SOX5: variants seen among roughly 807,000 people sequenced by gnomAD.
The protein encoded by SOX5 is transcription factor SOX-5.
Under a neutral mutation model 92.0 loss-of-function variants are expected in SOX5, and 9 were observed. The ratio of observed to expected loss-of-function variants is 0.10; its 90% CI spans 0.06 to 0.17. The LOEUF (loss-of-function observed/expected upper bound fraction) is 0.17, where lower values mean the gene tolerates loss of function less well. Among genes scored for constraint, SOX5 ranks in the 10% least tolerant of loss-of-function variants. The pLI, the probability that SOX5 is intolerant of heterozygous loss-of-function variation, is 1.00. For missense variants in SOX5, 642 were observed against 944.5 expected (o/e 0.68, Z 4.20); for synonymous variants, 344 against 336.3 (o/e 1.02, Z -0.25).
intron 12 of SOX5, among the ~76,000 whole-genome samples, chr12:23,543,706 T>G (rs1440797764): frequency 6.6e-6 from 1 of 152,208 alleles, no homozygotes; most frequent in Non-Finnish European, 1.5e-5. Flanking sequence ...GATAGTCAGA[T>G]TAAATCAACA....
intron 3 of SOX5, among the ~76,000 whole-genome samples, chr12:23,757,116 A>G (rs11047086): frequency 0.22 from 34,060 of 151,848 alleles, 4,002 homozygotes; most frequent in African/African-American, 0.24. Context: ...ACTCTTTTAC[A>G]TAGTCTATAT....
At chr12:24,447,951 C>A (rs940150370) in intron 1 of SOX5, among the ~76,000 whole-genome samples, 1 of 151,996 alleles carries the variant, frequency 6.6e-6, no homozygotes, top group Non-Finnish European at 1.5e-5. Context: ...GTGGCCAAGG[C>A]GGGTAGATCA....
chr12:23,767,231 CACACACACACACACACAT>C (rs1023024388), intron 3 of SOX5, among the ~76,000 whole-genome samples: 4 of 136,246 alleles, frequency 2.9e-5, no homozygotes, highest in Non-Finnish European at 5.0e-5. Flanking sequence ...CACACACACA[CACACACACACACACACAT>C]ATATATATTC....
chr12:24,562,393 TG>T, exon 1 of SOX5: 2 of 152,710 alleles, frequency 1.3e-5, no homozygotes, highest in Non-Finnish European at 2.9e-5. Context: ...AGAGGCGGGC[TG>T]GGGGCCCCCG....
intron 10 of SOX5, among the ~76,000 whole-genome samples, chr12:23,566,961 T>G (rs951416884): frequency 2.0e-5 from 3 of 152,208 alleles, no homozygotes; most frequent in East Asian, 1.9e-4. Flanking sequence ...ATGGAAGAAT[T>G]AGATGAAATA....
intron 3 of SOX5, among the ~76,000 whole-genome samples, chr12:23,837,980 T>C (rs12809746): frequency 0.08 from 9,982 of 124,580 alleles, 575 homozygotes; most frequent in African/African-American, 0.14. Flanking sequence ...ATATAATATA[T>C]ATTTATATTT....
rs1393777931 is a variant in SOX5, at chr12:23,533,126, A to G, written c.*1093T>C. The G allele has an allele frequency of 3.1e-5, 14 of 454,218 alleles. No homozygotes were observed. Among genetic ancestry groups the G allele is most frequent in the African/African-American group, 2.6e-4 (13 of 49,934 alleles). 28.1% of individuals were successfully genotyped at this position (454,218 alleles called of 1,614,324 possible). A position where few individuals can be genotyped will look rare whatever the true frequency, so the allele number is the denominator to read the frequency against. On this transcript the variant is annotated 3_prime_UTR_variant, in exon 15 of 15. Coordinates refer to ENST00000451604, the MANE Select transcript of SOX5 (RefSeq NM_006940.6). ...TGGTTAAGTTGTCATTTGAAGTGCAAAGTCAAGGTCAAGATTATTTCTAGA... is the reference window on the plus strand; with the variant it reads ...TGGTTAAGTTGTCATTTGAAGTGCAGAGTCAAGGTCAAGATTATTTCTAGA...
chr12:23,695,940 CA>C (rs71059917), intron 6 of SOX5, among the ~76,000 whole-genome samples: 1,032 of 11,802 alleles, frequency 0.087, 1 homozygote, highest in African/African-American at 0.16. Flanking sequence ...GACTCTGTCT[CA>C]AAAAAAAAAA....
chr12:23,975,600 A>T (rs1948810964), intron 4 of SOX5, among the ~76,000 whole-genome samples: 1 of 152,132 alleles, frequency 6.6e-6, no homozygotes, highest in African/African-American at 2.4e-5. Flanking sequence ...AAGCCATGGG[A>T]TCTAGAGCCA....
At chr12:24,221,605 C>A (rs1960455187) in intron 3 of SOX5, among the ~76,000 whole-genome samples, 1 of 152,294 alleles carries the variant, frequency 6.6e-6, no homozygotes, top group South Asian at 2.1e-4. Flanking sequence ...CCACTGAGCA[C>A]CTACTACCTG....
chr12:24,237,690 TTTTG>T (rs1273728122), intron 3 of SOX5: 1 of 152,182 alleles, frequency 6.6e-6, no homozygotes, highest in African/African-American at 2.4e-5. Context: ...AAAGAACTTA[TTTTG>T]TTTGCTATTG....
chr12:23,741,091 A>C lies in SOX5; in HGVS notation c.569-52T>G. The C allele has an allele frequency of 2.1e-6, 3 of 1,410,196 alleles. No individual in the cohort carries two copies. The African/African-American group carries it at 4.3e-5, about 20-fold the overall frequency. The allele number at this position is 1,410,196 out of a possible 1,614,324, so 87.4% of individuals were successfully genotyped here. A position where few individuals can be genotyped will look rare whatever the true frequency, so the allele number is the denominator to read the frequency against. On this transcript the variant is annotated intron_variant, in intron 4 of 14. Coordinates refer to ENST00000451604, the MANE Select transcript of SOX5 (RefSeq NM_006940.6). ...ACAAAATAAATGAAAAAAAGTAATT[A>C]TTTCAATGAAAATGGCTCTGTTGTA...
chr12:23,879,507 T>C (rs1179108276), intron 2 of SOX5, among the ~76,000 whole-genome samples: 1 of 152,154 alleles, frequency 6.6e-6, no homozygotes, highest in Non-Finnish European at 1.5e-5. Context: ...AAGCAAATAC[T>C]GAACGTAAGC....
chr12:23,805,345 A>G, intron 3 of SOX5, among the ~76,000 whole-genome samples: 1 of 152,036 alleles, frequency 6.6e-6, no homozygotes, highest in Admixed American at 6.6e-5. Context: ...TATATGAATA[A>G]TAAATAAATA....
intron 9 of SOX5, among the ~76,000 whole-genome samples, chr12:23,589,297 A>T (rs1239864992): frequency 6.6e-6 from 1 of 151,912 alleles, no homozygotes; most frequent in African/African-American, 2.4e-5. Context: ...AATATAACAA[A>T]ACTGGACAAT....
chr12:23,622,750 C>T (rs1287066481), intron 8 of SOX5, among the ~76,000 whole-genome samples: 1 of 152,010 alleles, frequency 6.6e-6, no homozygotes, highest in Admixed American at 6.6e-5. Context: ...GCTATACCAT[C>T]ATTAATTTAA....
At chr12:23,901,172 G>A (rs1288875784) in intron 1 of SOX5, among the ~76,000 whole-genome samples, 1 of 152,138 alleles carries the variant, frequency 6.6e-6, no homozygotes, top group Non-Finnish European at 1.5e-5. Context: ...AAAAGTCAGA[G>A]TCAGAGGAAG....
chr12:23,935,873 C>T (rs1253204931), intron 1 of SOX5, among the ~76,000 whole-genome samples: 4 of 151,010 alleles, frequency 2.6e-5, no homozygotes, highest in Admixed American at 2.6e-4. Context: ...GTTATGGTAG[C>T]ACATTATTTT....
intron 2 of SOX5, among the ~76,000 whole-genome samples, chr12:23,849,693 A>G (rs1271083596): frequency 1.3e-5 from 2 of 152,228 alleles, no homozygotes; most frequent in Admixed American, 1.3e-4. Flanking sequence ...AATGAGATAT[A>G]TGCATTTAAA....
Sources: gnomAD v4.1 joint callset for allele counts (sites outside exome capture counted in the v4.1 genomes callset) on GRCh38, gnomAD v4.1.1 for gene constraint, MANE v1.5 for transcripts, NCBI Gene and HGNC (gene_info 2026-07-23, HGNC 2026-07-21) for gene names.